Variants in RCAN2 observed in about 807,000 individuals in gnomAD.
RCAN2 encodes calcipressin-2.
In RCAN2, 9 loss-of-function variants were observed where a neutral mutation model predicts 23.6. The ratio of observed to expected loss-of-function variants is 0.38; its 90% CI spans 0.23 to 0.67. The LOEUF is 0.67. Ranked by LOEUF, RCAN2 falls within the 30% of genes least tolerant of loss-of-function variation. The pLI is 0.51. For synonymous variants in RCAN2, 109 were observed against 115.7 expected (o/e 0.94, Z 0.37); for missense variants, 273 against 302.3 (o/e 0.90, Z 0.72).
chr6:46,456,882 T>C lies in RCAN2; in HGVS notation c.95A>G (p.Asp32Gly). ...DGGLFLLCCI[D>G]RDWAVTRCFA... ...ACAACGAGTGACAGCCCAGTCCCTG[T>C]CTATGCAGCACAGTAAGAAAAGTCC... Residue 32 changes from aspartate to glycine, a missense_variant, in exon 2 of 5, where the codon GAC (aspartate) becomes GGC (glycine). By Grantham distance (94) the Asp-to-Gly change is moderately conservative. Coordinates refer to ENST00000371374, the MANE Select transcript of RCAN2 (RefSeq NM_001251974.2). 1.3e-6 allele frequency: 2 copies of C among 1,550,692 alleles called. No homozygotes were observed. The highest frequency in any genetic ancestry group is 1.7e-6 in the Non-Finnish European group (2 of 1,146,996).
At chr6:46,325,710 A>T (rs1763775558) in intron 2 of RCAN2, 1 of 1,338,168 alleles carries the variant, frequency 7.5e-7, no homozygotes, top group Non-Finnish European at 9.6e-7. Context: ...ACATCACCAC[A>T]AAGACTGACA....
intron 2 of RCAN2, among the ~76,000 whole-genome samples, chr6:46,305,880 C>T (rs757460955): frequency 2.0e-4 from 31 of 151,370 alleles, no homozygotes; most frequent in Admixed American, 1.1e-3. Flanking sequence ...GTCATTGGCC[C>T]GAACAATCAC....
intron 2 of RCAN2, among the ~76,000 whole-genome samples, chr6:46,410,732 C>T (rs1361986647): frequency 6.6e-6 from 1 of 152,118 alleles, no homozygotes; most frequent in African/African-American, 2.4e-5. Flanking sequence ...TGAAAAAAAT[C>T]CCATCTTATA....
intron 2 of RCAN2, among the ~76,000 whole-genome samples, chr6:46,254,232 A>G (rs185505405): frequency 6.6e-6 from 1 of 152,324 alleles, no homozygotes; most frequent in East Asian, 1.9e-4. Context: ...GGGATCCCTC[A>G]TGAGTCTATA....
At chr6:46,349,457 G>A (rs1434986563) in intron 2 of RCAN2, among the ~76,000 whole-genome samples, 1 of 151,944 alleles carries the variant, frequency 6.6e-6, no homozygotes, top group Non-Finnish European at 1.5e-5. Flanking sequence ...AATCGCTAAT[G>A]CATTCAGGGT....
At chr6:46,405,513 ATTAG>A (rs1766373183) in intron 2 of RCAN2, among the ~76,000 whole-genome samples, 1 of 152,148 alleles carries the variant, frequency 6.6e-6, no homozygotes, top group African/African-American at 2.4e-5. Context: ...TCCCCATCAG[ATTAG>A]TTAGATACAG....
At chr6:46,469,004 T>C (rs1768474869) in intron 1 of RCAN2, 1 of 173,276 alleles carries the variant, frequency 5.8e-6, no homozygotes, top group Admixed American at 6.5e-5. Flanking sequence ...CTTCTTTTTA[T>C]ATCCATTTAT....
chr6:46,274,453 C>A (rs186024312), intron 2 of RCAN2, among the ~76,000 whole-genome samples: 1 of 152,258 alleles, frequency 6.6e-6, no homozygotes, highest in African/African-American at 2.4e-5. Flanking sequence ...TAAAAATTCT[C>A]TGGACTAGGG....
In RCAN2 at chr6:46,417,765, G is replaced by A. The variant is rs145232783; in HGVS notation, c.225+38987C>T. On this transcript the variant is annotated intron_variant, in intron 2 of 4. Transcript: ENST00000371374. ...GAAACGAACTAAAACGCTGTCTTAA[G>A]TATTTGTGTGACAGGTCTAATGCTA... Among the ~76,000 whole-genome samples, 333 of 152,338 alleles carry A rather than the reference G, an allele frequency of 2.2e-3. 2 individuals are homozygous for A. Among genetic ancestry groups the A allele is most frequent in the African/African-American group, 7.6e-3 (318 of 41,572 alleles).
chr6:46,435,444 T>C (rs75655304), intron 2 of RCAN2, among the ~76,000 whole-genome samples: 1,770 of 152,346 alleles, frequency 0.012, 19 homozygotes, highest in Non-Finnish European at 0.018. Flanking sequence ...ACTTAATGAA[T>C]ATATTTTAAA....
intron 2 of RCAN2, among the ~76,000 whole-genome samples, chr6:46,267,833 G>C (rs1767390026): frequency 6.6e-6 from 1 of 151,986 alleles, no homozygotes; most frequent in African/African-American, 2.4e-5. Flanking sequence ...TGTAAAATCT[G>C]TCATCTGTCT....
chr6:46,427,922 C>T (rs763272243), intron 2 of RCAN2, among the ~76,000 whole-genome samples: 2 of 152,160 alleles, frequency 1.3e-5, no homozygotes, highest in African/African-American at 2.4e-5. Context: ...TATGGCTAAG[C>T]TAGGACCACA....
intron 1 of RCAN2, among the ~76,000 whole-genome samples, chr6:46,476,155 A>C (rs1398856087): frequency 6.6e-6 from 1 of 152,170 alleles, no homozygotes; most frequent in African/African-American, 2.4e-5. Context: ...TATAATCCCC[A>C]TTTTACAGAG....
At chr6:46,389,233 TCTCCCATCA>T (rs1319020543) in intron 2 of RCAN2, among the ~76,000 whole-genome samples, 1 of 152,232 alleles carries the variant, frequency 6.6e-6, no homozygotes, top group African/African-American at 2.4e-5. Context: ...TTCAGCTTAA[TCTCCCATCA>T]CTACTGTCTC....
At chr6:46,263,503 A>ATGTG (rs879389951) in intron 2 of RCAN2, among the ~76,000 whole-genome samples, 3 of 70,550 alleles carry the variant, frequency 4.3e-5, no homozygotes, top group Non-Finnish European at 6.4e-5. Context: ...GTATGTGTGT[A>ATGTG]TGTGTGTGTA....
intron 2 of RCAN2, among the ~76,000 whole-genome samples, chr6:46,428,498 T>C (rs116819578): frequency 6.6e-6 from 1 of 152,240 alleles, no homozygotes; most frequent in African/African-American, 2.4e-5. Context: ...AATAAATATC[T>C]GCTAAATGAA....
At chr6:46,431,513 G>A (rs1466289805) in intron 2 of RCAN2, among the ~76,000 whole-genome samples, 1 of 152,150 alleles carries the variant, frequency 6.6e-6, no homozygotes, top group Non-Finnish European at 1.5e-5. Flanking sequence ...ACTCAACAAC[G>A]ATGAATACTA....
chr6:46,455,893 AAAG>A (rs149190407), intron 2 of RCAN2, among the ~76,000 whole-genome samples: 8,580 of 150,500 alleles, frequency 0.057, 357 homozygotes, highest in African/African-American at 0.12. Flanking sequence ...AGAAAAAGAA[AAAG>A]AAAAAAAAAA....
intron 2 of RCAN2, among the ~76,000 whole-genome samples, chr6:46,256,314 G>A (rs932364845): frequency 3.3e-5 from 5 of 152,072 alleles, no homozygotes; most frequent in African/African-American, 1.2e-4. Flanking sequence ...AGGTTGCAGT[G>A]AGCCAAGACT....
Sources: allele counts gnomAD v4.1 joint callset (sites outside exome capture counted in the v4.1 genomes callset), GRCh38; gene constraint gnomAD v4.1.1; transcripts MANE v1.5; gene names NCBI Gene and HGNC (gene_info 2026-07-23, HGNC 2026-07-21).